Variants in TMC1 observed in about 807,000 individuals in gnomAD.
The protein encoded by TMC1 is transmembrane channel-like protein 1.
Under a neutral mutation model 105.8 loss-of-function variants are expected in TMC1, and 84 were observed. The observed-to-expected ratio is 0.79, with a 90% CI of 0.67 to 0.95. The LOEUF (loss-of-function observed/expected upper bound fraction) is 0.95. TMC1 is among the 40% of genes least tolerant of loss of function. The pLI, the probability that TMC1 is intolerant of heterozygous loss-of-function variation, is 0.00. For synonymous variants in TMC1, 315 were observed against 311.5 expected (o/e 1.01, Z -0.12); for missense variants, 817 against 914.1 (o/e 0.89, Z 1.37).
At chr9:72,674,911 C>G (rs963978683) in intron 5 of TMC1, among the ~76,000 whole-genome samples, 2 of 152,182 alleles carry the variant, frequency 1.3e-5, no homozygotes, top group African/African-American at 4.8e-5. Context: ...AGCCATCAGG[C>G]TATTGATGAT....
At chr9:72,771,025 G>A (rs1827916501) in intron 12 of TMC1, among the ~76,000 whole-genome samples, 1 of 152,256 alleles carries the variant, frequency 6.6e-6, no homozygotes, top group East Asian at 1.9e-4. Flanking sequence ...GTTTGATATG[G>A]ACACCCCATG....
At chr9:72,645,679 TCACGAAACAAG>T (rs1258944874) in intron 4 of TMC1, among the ~76,000 whole-genome samples, 15 of 152,216 alleles carry the variant, frequency 9.9e-5, no homozygotes, top group Non-Finnish European at 2.1e-4. Context: ...CTGTTCATTG[TCACGAAACAAG>T]CTCTCACGAA....
At chr9:72,804,861 C>T (rs977456174) in intron 17 of TMC1, among the ~76,000 whole-genome samples, 6 of 152,088 alleles carry the variant, frequency 3.9e-5, no homozygotes, top group Non-Finnish European at 8.8e-5. Context: ...TGTGGGGTTT[C>T]GGTATTTTTC....
intron 3 of TMC1, among the ~76,000 whole-genome samples, chr9:72,622,357 G>A (rs148015432): frequency 5.5e-4 from 84 of 152,222 alleles, no homozygotes; most frequent in African/African-American, 1.9e-3. Context: ...GCACTCAGTC[G>A]TTTCTTTGTT....
chr9:72,713,888 T>G (rs1288274488), intron 8 of TMC1, among the ~76,000 whole-genome samples: 1 of 152,194 alleles, frequency 6.6e-6, no homozygotes, highest in African/African-American at 2.4e-5. Flanking sequence ...CTTTCTTTCT[T>G]TCTCTTGTGG....
chr9:72,706,738 G>A (rs1826746561), intron 8 of TMC1, among the ~76,000 whole-genome samples: 2 of 151,440 alleles, frequency 1.3e-5, no homozygotes, highest in Admixed American at 1.3e-4. Context: ...CCAGGTTGCT[G>A]TGAATGCCAA....
At chr9:72,696,034 G>A (rs1826545116) in intron 7 of TMC1, among the ~76,000 whole-genome samples, 1 of 152,074 alleles carries the variant, frequency 6.6e-6, no homozygotes, top group African/African-American at 2.4e-5. Context: ...TCCAACAGTG[G>A]TATTTCATTG....
At chr9:72,560,460 A>G (rs1352225358) in intron 1 of TMC1, among the ~76,000 whole-genome samples, 1 of 151,772 alleles carries the variant, frequency 6.6e-6, no homozygotes, top group East Asian at 1.9e-4. Flanking sequence ...TTTACTCTCA[A>G]TTTGTATGTG....
chr9:72,740,879 T>C (rs1827377982), intron 9 of TMC1, among the ~76,000 whole-genome samples: 1 of 152,184 alleles, frequency 6.6e-6, no homozygotes, highest in South Asian at 2.1e-4. Context: ...ATACAATAGA[T>C]TAATTTTGTC....
At chr9:72,655,741 C>CAAAAAA (rs34249073) in intron 5 of TMC1, 1 of 386,326 alleles carries the variant, frequency 2.6e-6, no homozygotes. Context: ...GAATCCGTAT[C>CAAAAAA]AAAAAAAAAA....
chr9:72,593,343 A>G (rs1470653197), intron 2 of TMC1, among the ~76,000 whole-genome samples: 1 of 152,136 alleles, frequency 6.6e-6, no homozygotes, highest in Non-Finnish European at 1.5e-5. Flanking sequence ...GTTTAAGAAT[A>G]GCCTGGGCAA....
intron 2 of TMC1, among the ~76,000 whole-genome samples, chr9:72,601,684 A>C (rs1426514272): frequency 6.6e-6 from 1 of 151,936 alleles, no homozygotes; most frequent in Non-Finnish European, 1.5e-5. Context: ...AAACCAAAAC[A>C]AAAAACATAT....
In TMC1 at chr9:72,685,100, C is replaced by CTTTTTTTTTTTT. The variant is rs71359515; in HGVS notation, c.17-3596_17-3585dup. On this transcript the variant is annotated intron_variant, in intron 5 of 23. Transcript: ENST00000297784. ...CAAACCTTACTGTTATAAAGTCATTCTTTTTTTTTTTTTTTTTTTTTTTTG... is the reference window on the plus strand; with the variant it reads ...CAAACCTTACTGTTATAAAGTCATTCTTTTTTTTTTTTTTTTTTTTTTTTTTTTTTTTTTTTG... 1.2e-4 allele frequency among the ~76,000 whole-genome samples: 11 copies of CTTTTTTTTTTTT among 91,044 alleles called. 1 individual carries two copies. The highest frequency in any genetic ancestry group is 5.2e-4 in the African/African-American group (11 of 21,116). 59.7% of individuals were successfully genotyped at this position (91,044 alleles called of 152,430 possible).
chr9:72,764,101 A>C, intron 12 of TMC1, among the ~76,000 whole-genome samples: 1 of 152,210 alleles, frequency 6.6e-6, no homozygotes, highest in Non-Finnish European at 1.5e-5. Context: ...ACCAAATCAT[A>C]AATCTAATAC....
chr9:72,590,462 G>C (rs1824619476), intron 2 of TMC1, among the ~76,000 whole-genome samples: 1 of 152,184 alleles, frequency 6.6e-6, no homozygotes, highest in South Asian at 2.1e-4. Context: ...AAAAACACCA[G>C]AGCTAGGTTC....
At chr9:72,769,912 A>T (rs1036728267) in intron 12 of TMC1, among the ~76,000 whole-genome samples, 2 of 152,204 alleles carry the variant, frequency 1.3e-5, no homozygotes, top group Non-Finnish European at 2.9e-5. Context: ...TATACTTAGC[A>T]TGTTCTGTTA....
chr9:72,781,901 C>G (rs913908158), intron 13 of TMC1, among the ~76,000 whole-genome samples: 5 of 152,136 alleles, frequency 3.3e-5, no homozygotes, highest in African/African-American at 4.8e-5. Context: ...GAGTTGGTGC[C>G]AATCCTACTG....
intron 1 of TMC1, among the ~76,000 whole-genome samples, chr9:72,571,351 T>C (rs533041893): frequency 1.4e-5 from 2 of 143,462 alleles, no homozygotes; most frequent in Non-Finnish European, 3.0e-5. Context: ...GTAAGAAAAC[T>C]ACCTGATTAC....
chr9:72,634,257 A>G (rs1756455942), intron 4 of TMC1, among the ~76,000 whole-genome samples: 1 of 152,170 alleles, frequency 6.6e-6, no homozygotes, highest in African/African-American at 2.4e-5. Context: ...CAGAATGCGA[A>G]AGTTTAAAAA....
Sources: allele counts gnomAD v4.1 joint callset (sites outside exome capture counted in the v4.1 genomes callset), GRCh38; gene constraint gnomAD v4.1.1; transcripts MANE v1.5; gene names NCBI Gene and HGNC (gene_info 2026-07-23, HGNC 2026-07-21).